The following UMAD1 variants were observed in gnomAD, a reference collection of about 807,000 sequenced individuals.
UMAD1 encodes UBAP1-MVB12-associated (UMA) domain containing 1.
Under a neutral mutation model 6.1 loss-of-function variants are expected in UMAD1, and 8 were observed. The observed-to-expected ratio is 1.30, with a 90% CI of 0.76 to 2.35. UMAD1 has a LOEUF of 2.35. Among genes scored for constraint, UMAD1 ranks in the 30% most tolerant of loss-of-function variants. UMAD1 has a pLI of 0.00. For missense variants in UMAD1, 130 were observed against 78.4 expected, an observed-to-expected ratio of 1.66 and a Z score of -2.49; for synonymous variants, 56 against 31.4, an observed-to-expected ratio of 1.78 and a Z score of -2.61.
chr7:7,660,373 G>C (rs966402199), intron 1 of UMAD1, among the ~76,000 whole-genome samples: 2 of 152,180 alleles, frequency 1.3e-5, no homozygotes, highest in African/African-American at 4.8e-5. Context: ...TTTCCAGTTA[G>C]TTGATGCAGT....
chr7:7,769,716 C>T (rs1412321375), intron 2 of UMAD1, among the ~76,000 whole-genome samples: 3 of 152,102 alleles, frequency 2.0e-5, no homozygotes, highest in East Asian at 3.9e-4. Flanking sequence ...ACGACGGAGT[C>T]CTGATAGTGT....
intron 2 of UMAD1, among the ~76,000 whole-genome samples, chr7:7,765,628 G>A (rs1781969939): frequency 6.6e-6 from 1 of 152,104 alleles, no homozygotes; most frequent in African/African-American, 2.4e-5. Flanking sequence ...CCTGCCCTGA[G>A]GGTTATGAAT....
chr7:7,773,667 C>A (rs12702645), intron 2 of UMAD1, among the ~76,000 whole-genome samples: 4 of 152,152 alleles, frequency 2.6e-5, no homozygotes, highest in East Asian at 1.9e-4. Flanking sequence ...ACAGATTGCC[C>A]AACACACTAG....
chr7:7,779,982 C>G (rs1198631715), intron 2 of UMAD1, among the ~76,000 whole-genome samples: 1 of 152,226 alleles, frequency 6.6e-6, no homozygotes, highest in Non-Finnish European at 1.5e-5. Context: ...GCTCTACAAA[C>G]AAGAACTGCT....
chr7:7,643,185 T>A (rs1785014326), intron 1 of UMAD1, among the ~76,000 whole-genome samples: 1 of 152,150 alleles, frequency 6.6e-6, no homozygotes, highest in South Asian at 2.1e-4. Context: ...GTTATCAAAA[T>A]GTTAATTGAA....
chr7:7,680,779 T>G (rs1475308592), intron 2 of UMAD1, among the ~76,000 whole-genome samples: 1 of 152,156 alleles, frequency 6.6e-6, no homozygotes, highest in Non-Finnish European at 1.5e-5. Flanking sequence ...TATTTATTCC[T>G]AAGTATTTTA....
At chr7:7,788,991 A>G (rs1277941578) in intron 2 of UMAD1, among the ~76,000 whole-genome samples, 2 of 152,200 alleles carry the variant, frequency 1.3e-5, no homozygotes, top group Admixed American at 6.5e-5. Flanking sequence ...AAAAATTTCT[A>G]TTTTTGTAAC....
intron 2 of UMAD1, among the ~76,000 whole-genome samples, chr7:7,696,038 C>T (rs1780308778): frequency 7.4e-6 from 1 of 134,776 alleles, no homozygotes; most frequent in Non-Finnish European, 1.5e-5. Context: ...GAGATGGAGT[C>T]TCTGTTGCCC....
chr7:7,659,818 T>G (rs1373744084), intron 1 of UMAD1, among the ~76,000 whole-genome samples: 3 of 152,184 alleles, frequency 2.0e-5, no homozygotes, highest in Admixed American at 1.3e-4. Context: ...TTATTAGGTC[T>G]GCTTGGTCCA....
chr7:7,771,862 C>T (rs1258372492), intron 2 of UMAD1, among the ~76,000 whole-genome samples: 1 of 152,064 alleles, frequency 6.6e-6, no homozygotes. Context: ...AGTCTTAAAA[C>T]TTCTATTTAT....
At chr7:7,693,255 ATT>A (rs1247463348) in intron 2 of UMAD1, among the ~76,000 whole-genome samples, 1 of 152,146 alleles carries the variant, frequency 6.6e-6, no homozygotes, top group Admixed American at 6.5e-5. Flanking sequence ...TTCACCAAAC[ATT>A]TACTAAGTAA....
intron 3 of UMAD1, among the ~76,000 whole-genome samples, chr7:7,848,966 T>C (rs754140837): frequency 9.2e-5 from 14 of 152,180 alleles, no homozygotes; most frequent in Non-Finnish European, 1.8e-4. Flanking sequence ...GTTCTACCTG[T>C]TATGTAAGTT....
At chr7:7,801,031 C>T (rs1012434215) in intron 2 of UMAD1, among the ~76,000 whole-genome samples, 1 of 152,206 alleles carries the variant, frequency 6.6e-6, no homozygotes, top group African/African-American at 2.4e-5. Context: ...TGAAATTCTG[C>T]TTATACTTAC....
At chr7:7,814,160 A>G (rs1178401633) in intron 3 of UMAD1, among the ~76,000 whole-genome samples, 2 of 151,630 alleles carry the variant, frequency 1.3e-5, no homozygotes, top group African/African-American at 2.4e-5. Context: ...ATTTTTTTGT[A>G]TTTTTAGTAG....
chr7:7,780,529 G>C (rs143936856), intron 2 of UMAD1, among the ~76,000 whole-genome samples: 1 of 152,100 alleles, frequency 6.6e-6, no homozygotes, highest in African/African-American at 2.4e-5. Flanking sequence ...ATGCACAAAC[G>C]ATAAGTTTGA....
At chr7:7,818,185 C>G (rs1355747643) in intron 3 of UMAD1, among the ~76,000 whole-genome samples, 1 of 152,136 alleles carries the variant, frequency 6.6e-6, no homozygotes, top group Non-Finnish European at 1.5e-5. Flanking sequence ...CTCTATGTGT[C>G]TGTGTTCTCA....
intron 3 of UMAD1, among the ~76,000 whole-genome samples, chr7:7,820,437 A>T (rs1050314461): frequency 1.2e-4 from 18 of 152,216 alleles, no homozygotes; most frequent in African/African-American, 4.3e-4. Flanking sequence ...TTCAAGTTGA[A>T]ATTAAAATTT....
chr7:7,840,592 G>A (rs1223446290), intron 3 of UMAD1, among the ~76,000 whole-genome samples: 1 of 152,124 alleles, frequency 6.6e-6, no homozygotes, highest in Admixed American at 6.5e-5. Context: ...GAGGATCCCC[G>A]ACTACTTGAA....
intron 2 of UMAD1, among the ~76,000 whole-genome samples, chr7:7,752,639 G>T (rs1781699960): frequency 6.6e-6 from 1 of 152,062 alleles, no homozygotes; most frequent in Non-Finnish European, 1.5e-5. Context: ...AGCATAATTA[G>T]AAGAGATGCC....
Sources: allele counts gnomAD v4.1 joint callset (sites outside exome capture counted in the v4.1 genomes callset), GRCh38; gene constraint gnomAD v4.1.1; transcripts MANE v1.5; gene names NCBI Gene and HGNC (gene_info 2026-07-23, HGNC 2026-07-21).